The following ADGRV1 variants were observed in gnomAD, a reference collection of about 807,000 sequenced individuals.
The protein encoded by ADGRV1 is G-protein coupled receptor 98.
A neutral mutation model predicts 596.2 loss-of-function variants in ADGRV1; 359 were observed. That is an observed-to-expected ratio of 0.60 (90% confidence interval 0.55 to 0.66). The LOEUF (loss-of-function observed/expected upper bound fraction) is 0.66. Ranked by LOEUF, ADGRV1 falls within the 30% of genes least tolerant of loss-of-function variation. The pLI is 0.00. For synonymous variants in ADGRV1, 2,681 were observed against 2,679.2 expected (o/e 1.00, Z -0.02); for missense variants, 7,274 against 7,575.6 (o/e 0.96, Z 1.48).
At chr5:90,818,769 T>A (rs1763173651) in intron 75 of ADGRV1, among the ~76,000 whole-genome samples, 1 of 151,714 alleles carries the variant, frequency 6.6e-6, no homozygotes, top group Non-Finnish European at 1.5e-5. Context: ...TGAAGCCCAC[T>A]TAATCATGGT....
intron 87 of ADGRV1, among the ~76,000 whole-genome samples, chr5:91,143,236 C>T (rs1795249929): frequency 6.6e-6 from 1 of 152,170 alleles, no homozygotes; most frequent in South Asian, 2.1e-4. Context: ...TTGGGGCACT[C>T]CTAGGTCTGG....
At chr5:90,617,161 T>A (rs1561391053) in intron 2 of ADGRV1, 1 of 152,198 alleles carries the variant, frequency 6.6e-6, no homozygotes, top group African/African-American at 2.4e-5. Context: ...TAATTTGTCT[T>A]ATTGTTAGGT....
rs1315953061 is a variant in ADGRV1 at position 90,689,982 on chromosome 5, A to G, written c.6612A>G (p.Gln2204=). ...AACTGGAAGAATCTTTTCTTGTGCA[A>G]CTGATGAATGAAACAACAGGAGGAG... ...YPELEESFLV[Q]LMNETTGGAR... Residue 2204 remains glutamine (Q), a synonymous_variant, in exon 30 of 90, where the codon CAA becomes CAG. Transcript: ENST00000405460. 4 of 1,609,294 alleles carry G rather than the reference A, an allele frequency of 2.5e-6. No individual in the cohort carries two copies. Among genetic ancestry groups the G allele is most frequent in the Admixed American group, 1.7e-5 (1 of 59,312 alleles).
Position 90,676,174 on chromosome 5 carries a change from C to T in ADGRV1, c.5408C>T (p.Ser1803Phe), listed in dbSNP as rs371348667. ...AATTCTATTCCTGAACTGGAAAAATCTTTTAAAGTTGAGTTGTTAAACTTG... is the reference window on the plus strand; with the variant it reads ...AATTCTATTCCTGAACTGGAAAAATTTTTTAAAGTTGAGTTGTTAAACTTG... The part of the protein sequence containing the change: ...TDNSIPELEK[S>F]FKVELLNLEG... Residue 1803 changes from serine (S) to phenylalanine (F), a missense_variant, in exon 25 of 90, where the codon TCT becomes TTT. Coordinates refer to ENST00000405460, the MANE Select transcript of ADGRV1 (RefSeq NM_032119.4). 1 of 1,606,024 alleles carries T rather than the reference C, an allele frequency of 6.2e-7. No individual in the cohort carries two copies. The highest frequency in any genetic ancestry group is 2.3e-5 in the East Asian group (1 of 44,380).
At chr5:90,627,959 C>CACACACACACAA in intron 7 of ADGRV1, 183 bp downstream of exon 7, 1 of 382,560 alleles carries the variant, frequency 2.6e-6, no homozygotes, top group Non-Finnish European at 4.7e-6. Context: ...CACACACACA[C>CACACACACACAA]ACAAGAATAT....
chr5:90,700,906 TA>T (rs1369062573), intron 34 of ADGRV1, among the ~76,000 whole-genome samples: 1 of 152,144 alleles, frequency 6.6e-6, no homozygotes, highest in Non-Finnish European at 1.5e-5. Flanking sequence ...GGTTTTCCAT[TA>T]GTTTTATGTA....
At chr5:90,894,756 T>C (rs987450663) in intron 83 of ADGRV1, among the ~76,000 whole-genome samples, 4 of 152,160 alleles carry the variant, frequency 2.6e-5, no homozygotes, top group Non-Finnish European at 4.4e-5. Flanking sequence ...ATATGGAACC[T>C]GTTTCATTTT....
chr5:90,780,323 G>T (rs1758703931), intron 64 of ADGRV1, among the ~76,000 whole-genome samples: 1 of 152,074 alleles, frequency 6.6e-6, no homozygotes, highest in South Asian at 2.1e-4. Flanking sequence ...CAGACTACTG[G>T]TAACAGTTAC....
chr5:91,041,361 T>C (rs1489950118), intron 85 of ADGRV1, among the ~76,000 whole-genome samples: 1 of 152,016 alleles, frequency 6.6e-6, no homozygotes, highest in African/African-American at 2.4e-5. Context: ...CTGGAAACTA[T>C]CATTCTCAGC....
intron 50 of ADGRV1, among the ~76,000 whole-genome samples, chr5:90,740,706 A>C (rs1487587144): frequency 1.3e-5 from 2 of 152,074 alleles, no homozygotes; most frequent in Non-Finnish European, 2.9e-5. Flanking sequence ...CCCTGTTGAT[A>C]GCTAGTGTTT....
rs375926787 is a variant in ADGRV1 at position 90,637,860 on chromosome 5, T to A, written c.2152T>A (p.Ser718Thr). 4 of 1,613,744 alleles carry A rather than the reference T, an allele frequency of 2.5e-6. No homozygotes were observed. The highest frequency in any genetic ancestry group is 1.3e-5 in the African/African-American group (1 of 75,042). The change falls in exon 11 of 90, where the codon TCT becomes ACT. Residue 718 changes from serine to threonine, a missense_variant. Coordinates refer to ENST00000405460, the MANE Select transcript of ADGRV1 (RefSeq NM_032119.4). ...GPFNGSVLFL[S>T]GQSDTTINIT... Reference sequence around the variant, plus strand: ...CTTTAATGGCTCTGTTTTGTTTTTATCTGGGCAAAGTGACACAACAATCAA... The same window carrying A: ...CTTTAATGGCTCTGTTTTGTTTTTAACTGGGCAAAGTGACACAACAATCAA...
chr5:90,784,898 T>G (rs186996017), intron 67 of ADGRV1, among the ~76,000 whole-genome samples: 56 of 152,278 alleles, frequency 3.7e-4, no homozygotes, highest in Middle Eastern at 3.4e-3. Context: ...ATGACTTTCT[T>G]CAAGGAATTG....
At chr5:90,961,061 C>A (rs1777962512) in intron 83 of ADGRV1, among the ~76,000 whole-genome samples, 1 of 152,088 alleles carries the variant, frequency 6.6e-6, no homozygotes, top group African/African-American at 2.4e-5. Flanking sequence ...TAGCTTCACC[C>A]TTAGGCACCC....
chr5:90,874,236 G>A (rs1057435371), intron 83 of ADGRV1, among the ~76,000 whole-genome samples: 7 of 152,050 alleles, frequency 4.6e-5, no homozygotes, highest in Non-Finnish European at 8.8e-5. Context: ...TACATCCTGT[G>A]TTCTAGTTAA....
At chr5:90,590,397 A>G (rs1442611825) in intron 1 of ADGRV1, among the ~76,000 whole-genome samples, 2 of 152,124 alleles carry the variant, frequency 1.3e-5, no homozygotes, top group Non-Finnish European at 2.9e-5. Flanking sequence ...TCTGGACATG[A>G]CATGTATGGA....
At chr5:90,685,517 G>A (rs940287780) in intron 28 of ADGRV1, among the ~76,000 whole-genome samples, 3 of 151,808 alleles carry the variant, frequency 2.0e-5, no homozygotes, top group Non-Finnish European at 4.4e-5. Flanking sequence ...CTCAGGAAGC[G>A]GAGGTTGTGG....
chr5:91,076,079 C>A (rs914990627), intron 86 of ADGRV1, among the ~76,000 whole-genome samples: 8 of 152,216 alleles, frequency 5.3e-5, no homozygotes, highest in South Asian at 2.1e-4. Flanking sequence ...TATCACCTTC[C>A]CATATTCTTT....
intron 87 of ADGRV1, among the ~76,000 whole-genome samples, chr5:91,126,812 G>C (rs1383050886): frequency 6.6e-6 from 1 of 152,100 alleles, no homozygotes; most frequent in East Asian, 1.9e-4. Flanking sequence ...CACTTCTGTA[G>C]GGAGATTGTG....
At chr5:90,622,727 TTTTA>T (rs1187164541) in intron 5 of ADGRV1, 26 bp downstream of exon 5, 9 of 968,222 alleles carry the variant, frequency 9.3e-6, no homozygotes, top group Non-Finnish European at 1.3e-5. Context: ...AGTCATTTTA[TTTTA>T]TTTATTTTTA....
Sources: gnomAD v4.1 joint callset for allele counts (sites outside exome capture counted in the v4.1 genomes callset) on GRCh38, gnomAD v4.1.1 for gene constraint, MANE v1.5 for transcripts, NCBI Gene and HGNC (gene_info 2026-07-23, HGNC 2026-07-21) for gene names.